DTX1: variants seen among roughly 807,000 people sequenced by gnomAD.
DTX1 encodes deltex E3 ubiquitin ligase 1.
In DTX1, 26 loss-of-function variants were observed where a neutral mutation model predicts 57.8. That is an observed-to-expected ratio of 0.45 (90% CI 0.33 to 0.62). The LOEUF (loss-of-function observed/expected upper bound fraction) is 0.62, where lower values mean the gene tolerates loss of function less well. DTX1 is among the 20% of genes least tolerant of loss of function. The pLI is 0.02. For synonymous variants in DTX1, 398 were observed against 394.1 expected (o/e 1.01, Z -0.12); for missense variants, 704 against 895.3 (o/e 0.79, Z 2.73).
chr12:113,057,930 G>T lies in DTX1; in HGVS notation c.-263G>T. 1.8e-6 allele frequency: 1 copy of T among 542,974 alleles called. No individual in the cohort carries two copies. Among genetic ancestry groups the T allele is most frequent in the Middle Eastern group, 5.0e-4 (1 of 1,986 alleles). The allele number at this position is 542,974 out of a possible 1,614,324, so 33.6% of individuals were successfully genotyped here. ...CAAGGACTTTAGAGCTGTTTCCTCC[G>T]GCATAAGAGAGACACTTGCTTTCCA... On this transcript the variant is annotated 5_prime_UTR_variant, in exon 2 of 10. Coordinates refer to ENST00000548759, the MANE Select transcript of DTX1 (RefSeq NM_004416.3).
At chr12:113,068,503 G>A (rs893759626) in intron 2 of DTX1, among the ~76,000 whole-genome samples, 5 of 152,168 alleles carry the variant, frequency 3.3e-5, no homozygotes, top group African/African-American at 1.2e-4. Flanking sequence ...GGGTGGGGTG[G>A]GTAGGACACT....
rs749173378 is a variant in DTX1 at position 113,093,495 on chromosome 12, C to A, written c.1004-44C>A. The A allele has an allele frequency of 6.7e-7, 1 of 1,493,700 alleles. No individual in the cohort carries two copies. The highest frequency in any genetic ancestry group is 8.9e-7 in the Non-Finnish European group (1 of 1,120,916). 92.5% of individuals were successfully genotyped at this position (1,493,700 alleles called of 1,614,324 possible). ...CAGGGCCAGTGGTCGGGGGTTTGGG[C>A]GGGGATGGCGCCCCGCCCTGTGACT... is the stretch of plus-strand genomic sequence containing the variant. On this transcript the variant is annotated intron_variant, in intron 4 of 9. Coordinates refer to ENST00000548759, the MANE Select transcript of DTX1 (RefSeq NM_004416.3). This position sits in a 1 kb window ranked among gnomAD's most constrained non-coding sequence, Gnocchi z 4.2.
In DTX1 at chr12:113,093,106, C is replaced by A. The variant is rs908218511; in HGVS notation, c.942-56C>A. ...AGAGACAGAAGGCAAGCCAGGTCCCCTGACGTCGCTTCGGGGGCTGGAGTC... is the reference window on the plus strand; with the variant it reads ...AGAGACAGAAGGCAAGCCAGGTCCCATGACGTCGCTTCGGGGGCTGGAGTC... On this transcript the variant is annotated intron_variant, in intron 3 of 9. Transcript: ENST00000548759. The surrounding 1 kb of genome is among the most constrained non-coding windows in gnomAD (Gnocchi z 4.2). The A allele has an allele frequency of 3.2e-5, 49 of 1,547,618 alleles. No individual in the cohort carries two copies. The African/African-American group carries it at 6.4e-4, about 20-fold the overall frequency.
chr12:113,080,818 T>G (rs116607652), intron 3 of DTX1, among the ~76,000 whole-genome samples: 4,261 of 151,454 alleles, frequency 0.028, 213 homozygotes, highest in African/African-American at 0.097. Flanking sequence ...TCTACAACAA[T>G]AACAAAAAAT....
At chr12:113,088,534 A>G (rs2246844) in intron 3 of DTX1, among the ~76,000 whole-genome samples, 125,753 of 152,154 alleles carry the variant, frequency 0.83, 52,121 homozygotes, top group African/African-American at 0.88. Flanking sequence ...GGCGCAGCAC[A>G]CCAGCATGGC....
chr12:113,068,606 G>A (rs2044720352), intron 2 of DTX1, among the ~76,000 whole-genome samples: 1 of 152,228 alleles, frequency 6.6e-6, no homozygotes, highest in Non-Finnish European at 1.5e-5. Context: ...TGGTTAGAGT[G>A]TGAGGCTGTG....
At chr12:113,094,126 G>GGGGGGGGGGC in intron 6 of DTX1, 27 bp downstream of exon 6, 10 of 964,904 alleles carry the variant, frequency 1.0e-5, no homozygotes, top group Non-Finnish European at 1.6e-5. Flanking sequence ...GGGGCTGGGG[G>GGGGGGGGGGC]AGGGCCCTGG....
intron 2 of DTX1, among the ~76,000 whole-genome samples, chr12:113,064,233 G>A (rs576849655): frequency 2.2e-4 from 34 of 152,302 alleles, no homozygotes; most frequent in African/African-American, 8.2e-4. Flanking sequence ...TAGGGGCAGG[G>A]AGCGGCCCAT....
intron 2 of DTX1, among the ~76,000 whole-genome samples, chr12:113,061,194 T>C (rs1195937432): frequency 6.6e-6 from 1 of 151,880 alleles, no homozygotes; most frequent in Non-Finnish European, 1.5e-5. Flanking sequence ...ACCTGCCCCC[T>C]GTTTGCCGGA....
intron 2 of DTX1, among the ~76,000 whole-genome samples, chr12:113,065,337 G>T (rs1442713962): frequency 6.6e-6 from 1 of 152,174 alleles, no homozygotes; most frequent in African/African-American, 2.4e-5. Flanking sequence ...GAGAAGAGAC[G>T]GGTCTGAGAT....
intron 3 of DTX1, among the ~76,000 whole-genome samples, chr12:113,084,361 C>T (rs2044840488): frequency 1.3e-5 from 2 of 152,148 alleles, no homozygotes; most frequent in Admixed American, 1.3e-4. Context: ...TCGAGCGCTC[C>T]CTATGTCCCA....
chr12:113,068,091 C>A (rs35800593), intron 2 of DTX1, among the ~76,000 whole-genome samples: 22,901 of 152,198 alleles, frequency 0.15, 2,374 homozygotes, highest in Middle Eastern at 0.33. Context: ...ATGTAAATAG[C>A]ATGTGAACCA....
chr12:113,078,060 C>A lies in DTX1; in HGVS notation c.896C>A (p.Pro299His), dbSNP rs2136059524. 2 of 1,388,562 alleles carry A rather than the reference C, an allele frequency of 1.4e-6. No individual in the cohort carries two copies. Among genetic ancestry groups the A allele is most frequent in the Admixed American group, 5.9e-5 (2 of 33,808 alleles). 86.0% of individuals were successfully genotyped at this position (1,388,562 alleles called of 1,614,324 possible). The change falls in exon 3 of 10, where the codon CCC (proline) becomes CAC (histidine). Residue 299 changes from proline to histidine, a missense_variant. Physicochemically the swap from Pro to His is moderately conservative, Grantham distance 77. Coordinates refer to ENST00000548759, the MANE Select transcript of DTX1 (RefSeq NM_004416.3). ...CAGAACAACCTCAACCGGCCCGGGC[C>A]CCAGCGCACCACCAGCGTGAGCGCG... The part of the protein sequence containing the change: ...PGQNNLNRPG[P>H]QRTTSVSARA...
intron 2 of DTX1, among the ~76,000 whole-genome samples, chr12:113,071,487 AC>A (rs2044737857): frequency 1.3e-5 from 2 of 152,212 alleles, no homozygotes; most frequent in Non-Finnish European, 2.9e-5. Context: ...GGGGACGCAG[AC>A]CCTGTGGCCA....
chr12:113,095,419 G>T lies in DTX1; in HGVS notation c.1638+5G>T. ...AACAACGAGAAAGGCCGGAAGGTGG[G>T]TGCCCAGCCGTGAGGGCATGGGAGA... On this transcript the variant is annotated splice_donor_5th_base_variant and intron_variant, in intron 9 of 9. Transcript: ENST00000548759. The T allele has an allele frequency of 6.2e-7, 1 of 1,614,138 alleles. No individual in the cohort carries two copies.
chr12:113,071,442 G>A lies in DTX1; in HGVS notation c.260-5982G>A, dbSNP rs116015164. Among the ~76,000 whole-genome samples the A allele has an allele frequency of 6.6e-4, 100 of 152,368 alleles. 1 individual carries two copies. Among genetic ancestry groups the A allele is most frequent in the African/African-American group, 2.3e-3 (94 of 41,586 alleles). The stretch of plus-strand genomic sequence containing the variant: ...CAAAAACAGGCCGAGGCAGAGGCAC[G>A]GAGCCCATGTTTGTCACAGGCCCCT... On this transcript the variant is annotated intron_variant, in intron 2 of 9. Transcript: ENST00000548759.
In DTX1 at chr12:113,093,849, T is replaced by C; in HGVS notation, c.1165+149T>C. On this transcript the variant is annotated intron_variant, in intron 5 of 9. Coordinates refer to ENST00000548759, the MANE Select transcript of DTX1 (RefSeq NM_004416.3). This position sits in a 1 kb window ranked among gnomAD's most constrained non-coding sequence, Gnocchi z 4.2. ...GCTCCCCTTGCCCTGGCCCCATCTT[T>C]CACCAGCTCCTGTTACAGCTAACCT... 7.0e-7 allele frequency: 1 copy of C among 1,430,280 alleles called. No homozygotes were observed. The highest frequency in any genetic ancestry group is 9.5e-7 in the Non-Finnish European group (1 of 1,048,660). 88.6% of individuals were successfully genotyped at this position (1,430,280 alleles called of 1,614,324 possible). A position where few individuals can be genotyped will look rare whatever the true frequency, so the allele number is the denominator to read the frequency against.
intron 2 of DTX1, among the ~76,000 whole-genome samples, chr12:113,074,325 T>C (rs1292723730): frequency 2.6e-5 from 4 of 152,184 alleles, no homozygotes; most frequent in Non-Finnish European, 4.4e-5. Context: ...TTTTAGATGT[T>C]TGAACACACA....
At chr12:113,089,836 G>A (rs956706929) in intron 3 of DTX1, 1 of 152,190 alleles carries the variant, frequency 6.6e-6, no homozygotes, top group Non-Finnish European at 1.5e-5. Context: ...AGAAATTTTA[G>A]GGCAGCTGAG....
Sources: gnomAD v4.1 joint callset for allele counts (sites outside exome capture counted in the v4.1 genomes callset) on GRCh38, gnomAD v4.1.1 for gene constraint, Gnocchi (gnomAD v3.1) non-coding constraint, MANE v1.5 for transcripts, NCBI Gene and HGNC (gene_info 2026-07-23, HGNC 2026-07-21) for gene names.